ACOXL: variants seen among roughly 807,000 people sequenced by gnomAD.
The protein encoded by ACOXL is acyl-coenzyme A oxidase-like protein.
In ACOXL, 70 loss-of-function variants were observed where a neutral mutation model predicts 71.9. That is an observed-to-expected ratio of 0.97 (90% CI 0.80 to 1.19). The LOEUF (loss-of-function observed/expected upper bound fraction) is 1.19, where lower values mean the gene tolerates loss of function less well. ACOXL is among the 50% of genes most tolerant of loss of function. ACOXL has a pLI of 0.00. For synonymous variants in ACOXL, 253 were observed against 281.6 expected, an observed-to-expected ratio of 0.90 and a Z score of 1.02; for missense variants, 703 against 736.3, an observed-to-expected ratio of 0.95 and a Z score of 0.52.
At chr2:111,064,444 A>AC (rs2066963826) in intron 16 of ACOXL, among the ~76,000 whole-genome samples, 1 of 149,336 alleles carries the variant, frequency 6.7e-6, no homozygotes, top group Admixed American at 6.6e-5. Flanking sequence ...TCAAAAAAAA[A>AC]ACAAAAAAAA....
At chr2:110,888,071 G>A (rs1697519748) in intron 10 of ACOXL, 1 of 152,152 alleles carries the variant, frequency 6.6e-6, no homozygotes, top group Non-Finnish European at 1.5e-5. Flanking sequence ...GTCTCCATTT[G>A]TTTTCTTTCT....
At chr2:110,799,183 T>C (rs1685641688) in intron 7 of ACOXL, 83 bp downstream of exon 7, 2 of 1,376,332 alleles carry the variant, frequency 1.5e-6, no homozygotes, top group African/African-American at 1.4e-5. Context: ...ACCTACGTTA[T>C]ATTACCGAAG....
At chr2:110,753,424 G>C (rs1022839904) in intron 1 of ACOXL, among the ~76,000 whole-genome samples, 7 of 152,194 alleles carry the variant, frequency 4.6e-5, no homozygotes, top group African/African-American at 1.7e-4. Flanking sequence ...TTCCTCTCCA[G>C]GTGGACTATT....
At chr2:110,840,967 G>A (rs1367892091) in intron 9 of ACOXL, among the ~76,000 whole-genome samples, 1 of 152,196 alleles carries the variant, frequency 6.6e-6, no homozygotes, top group Non-Finnish European at 1.5e-5. Flanking sequence ...CCCACCATGT[G>A]TGGGCGTGTT....
At chr2:110,957,568 A>T (rs2149433829) in intron 12 of ACOXL, among the ~76,000 whole-genome samples, 1 of 152,278 alleles carries the variant, frequency 6.6e-6, no homozygotes, top group African/African-American at 2.4e-5. Context: ...TGACTTGTCG[A>T]TGACCATCTC....
At chr2:110,794,498 C>T (rs558562316) in intron 5 of ACOXL, among the ~76,000 whole-genome samples, 2 of 152,316 alleles carry the variant, frequency 1.3e-5, no homozygotes, top group East Asian at 1.9e-4. Flanking sequence ...ATTTTGTAGT[C>T]GTCCCTAGCA....
At chr2:110,734,906 C>T (rs1295532157) in intron 1 of ACOXL, among the ~76,000 whole-genome samples, 2 of 151,018 alleles carry the variant, frequency 1.3e-5, no homozygotes, top group African/African-American at 2.4e-5. Context: ...TACATTTGTT[C>T]ATCTACAGAA....
chr2:110,774,621 G>C (rs1343537076), intron 2 of ACOXL, among the ~76,000 whole-genome samples: 3 of 152,072 alleles, frequency 2.0e-5, no homozygotes, highest in Admixed American at 2.0e-4. Context: ...TAACCAAGGA[G>C]GTAAAGACTG....
At chr2:110,773,621 G>C (rs896608994) in intron 2 of ACOXL, among the ~76,000 whole-genome samples, 7 of 152,168 alleles carry the variant, frequency 4.6e-5, no homozygotes, top group Non-Finnish European at 7.4e-5. Flanking sequence ...CTGCCGCCCT[G>C]GCCTTGGCTC....
chr2:110,823,487 C>G (rs1025774794), intron 9 of ACOXL, among the ~76,000 whole-genome samples: 1 of 152,088 alleles, frequency 6.6e-6, no homozygotes, highest in Non-Finnish European at 1.5e-5. Flanking sequence ...CCTAGGAGGA[C>G]TATTGATGGA....
At chr2:110,881,606 C>T (rs1696653497) in intron 10 of ACOXL, among the ~76,000 whole-genome samples, 1 of 152,180 alleles carries the variant, frequency 6.6e-6, no homozygotes, top group East Asian at 1.9e-4. Context: ...TTCCTTATGT[C>T]TCTCCATAAT....
intron 12 of ACOXL, among the ~76,000 whole-genome samples, chr2:110,956,776 A>G (rs1242275237): frequency 2.0e-5 from 3 of 152,244 alleles, no homozygotes; most frequent in Non-Finnish European, 4.4e-5. Flanking sequence ...AAATGTAATC[A>G]TATAGTGAAA....
intron 1 of ACOXL, among the ~76,000 whole-genome samples, chr2:110,734,584 GT>G: frequency 6.6e-6 from 1 of 152,046 alleles, no homozygotes; most frequent in Non-Finnish European, 1.5e-5. Context: ...TAAAATCAAT[GT>G]TTGTGAACGG....
At chr2:110,770,194 T>TGGTCTGGGAG (rs1254657331) in intron 2 of ACOXL, among the ~76,000 whole-genome samples, 2 of 152,156 alleles carry the variant, frequency 1.3e-5, no homozygotes, top group African/African-American at 2.4e-5. Context: ...CCACCCAGCA[T>TGGTCTGGGAG]GGTCTGGGAG....
At chr2:110,805,156 G>C in intron 8 of ACOXL, 107 bp from the exon 9 acceptor site, 1 of 1,440,928 alleles carries the variant, frequency 6.9e-7, no homozygotes, top group Non-Finnish European at 9.5e-7. Context: ...TTCCACGATG[G>C]GGAAATCCGA....
intron 15 of ACOXL, among the ~76,000 whole-genome samples, chr2:111,048,442 T>C (rs976489351): frequency 2.6e-5 from 4 of 152,168 alleles, no homozygotes; most frequent in Non-Finnish European, 5.9e-5. Context: ...TGGCAGAGAA[T>C]TGTGGGAGCA....
intron 9 of ACOXL, among the ~76,000 whole-genome samples, chr2:110,834,968 C>T (rs1374197160): frequency 6.6e-6 from 1 of 152,176 alleles, no homozygotes; most frequent in Non-Finnish European, 1.5e-5. Flanking sequence ...GGGTCAGGCT[C>T]TTTGTGGGGA....
intron 1 of ACOXL, among the ~76,000 whole-genome samples, chr2:110,741,723 A>T (rs1677565556): frequency 1.3e-5 from 2 of 152,174 alleles, no homozygotes; most frequent in African/African-American, 2.4e-5. Flanking sequence ...GGCAGGTATG[A>T]AGAGGTAGGA....
Position 110,987,120 on chromosome 2 carries a change from G to T in ACOXL, c.1072G>T (p.Glu358Ter). The T allele has an allele frequency of 6.4e-7, 1 of 1,569,086 alleles. No homozygotes were observed. The change falls in exon 13 of 18, where the codon GAA becomes TAA. Residue 358 changes from glutamate (E) to a stop codon, truncating the protein, a stop_gained. Coordinates refer to ENST00000439055, the MANE Select transcript of ACOXL (RefSeq NM_001142807.4). LOFTEE classifies it high-confidence loss of function. ...ECTGGMVVGR[E>*]LLAQYTKQYE... The stretch of plus-strand genomic sequence containing the variant: ...ACTCTTTGCACAGGTTGTGGGGCGG[G>T]AACTGCTGGCCCAATACACCAAACA...
Sources: allele counts gnomAD v4.1 joint callset (sites outside exome capture counted in the v4.1 genomes callset), GRCh38; gene constraint gnomAD v4.1.1; transcripts MANE v1.5; gene names NCBI Gene and HGNC (gene_info 2026-07-23, HGNC 2026-07-21).